Variants in DAB1 observed in about 807,000 individuals in gnomAD.
The protein encoded by DAB1 is DAB adaptor protein 1.
DAB1 carries 15 observed loss-of-function variants against 64.6 expected under a neutral mutation model. The observed-to-expected ratio is 0.23, with a 90% CI of 0.16 to 0.36. The LOEUF (loss-of-function observed/expected upper bound fraction) is 0.36. DAB1 is among the 10% of genes least tolerant of loss of function. The pLI is 1.00. For missense variants in DAB1, 596 were observed against 706.7 expected, an observed-to-expected ratio of 0.84 and a Z score of 1.78; for synonymous variants, 235 against 251.9, an observed-to-expected ratio of 0.93 and a Z score of 0.64.
intron 6 of DAB1, among the ~76,000 whole-genome samples, chr1:57,803,560 C>A (rs1348283073): frequency 6.6e-6 from 1 of 152,180 alleles, no homozygotes; most frequent in Non-Finnish European, 1.5e-5. Context: ...AATCTGGTGC[C>A]AGATCTAAGA....
intron 7 of DAB1, among the ~76,000 whole-genome samples, chr1:57,611,859 C>T (rs1019411561): frequency 2.6e-5 from 4 of 152,180 alleles, no homozygotes; most frequent in African/African-American, 9.7e-5. Context: ...TGCTATAAAT[C>T]CTCTAAGGTC....
chr1:58,355,430 G>A (rs912504), intron 3 of DAB1, among the ~76,000 whole-genome samples: 70,320 of 152,084 alleles, frequency 0.46, 16,738 homozygotes, highest in East Asian at 0.59. Flanking sequence ...AGCCATGGAA[G>A]AGTTTAATTT....
intron 2 of DAB1, among the ~76,000 whole-genome samples, chr1:57,243,909 C>T (rs1391314390): frequency 6.6e-6 from 1 of 152,086 alleles, no homozygotes. Context: ...CCAATTCATC[C>T]GTATCTCTTG....
chr1:58,330,012 G>A (rs958406711), intron 4 of DAB1, among the ~76,000 whole-genome samples: 3 of 152,114 alleles, frequency 2.0e-5, no homozygotes, highest in Non-Finnish European at 2.9e-5. Flanking sequence ...AGCTGGAAAT[G>A]ATTAAGATCA....
chr1:57,392,300 G>A (rs1224177520), intron 1 of DAB1, among the ~76,000 whole-genome samples: 1 of 152,166 alleles, frequency 6.6e-6, no homozygotes, highest in Non-Finnish European at 1.5e-5. Context: ...TTGAACCCAG[G>A]GGGCGGAGGT....
At chr1:58,108,326 T>C (rs1226964056) in intron 5 of DAB1, among the ~76,000 whole-genome samples, 2 of 152,120 alleles carry the variant, frequency 1.3e-5, no homozygotes, top group Non-Finnish European at 2.9e-5. Flanking sequence ...AATTGAGAGA[T>C]ACCACCCTTA....
chr1:57,719,376 G>C (rs1206393339), intron 6 of DAB1, among the ~76,000 whole-genome samples: 1 of 152,198 alleles, frequency 6.6e-6, no homozygotes, highest in African/African-American at 2.4e-5. Context: ...ATAAGCCAGA[G>C]GGAGGTGGGT....
At chr1:58,102,102 G>A (rs1230714290) in intron 5 of DAB1, among the ~76,000 whole-genome samples, 1 of 152,218 alleles carries the variant, frequency 6.6e-6, no homozygotes, top group African/African-American at 2.4e-5. Context: ...TCAGAGATGA[G>A]AATATTGGGG....
chr1:58,136,904 AC>A (rs1653979087), intron 5 of DAB1, among the ~76,000 whole-genome samples: 1 of 152,222 alleles, frequency 6.6e-6, no homozygotes, highest in African/African-American at 2.4e-5. Context: ...TCTAATTTTA[AC>A]GTCTGAGTTT....
intron 7 of DAB1, among the ~76,000 whole-genome samples, chr1:57,568,829 G>T (rs1332548152): frequency 3.3e-5 from 5 of 152,060 alleles, no homozygotes; most frequent in Admixed American, 6.5e-5. Flanking sequence ...CACTGTTGGT[G>T]GGACTGTAAA....
chr1:57,679,691 T>C (rs1570731342), intron 6 of DAB1, among the ~76,000 whole-genome samples: 1 of 152,180 alleles, frequency 6.6e-6, no homozygotes, highest in African/African-American at 2.4e-5. Flanking sequence ...TTCCAGGCCA[T>C]CATATATATA....
chr1:57,369,686 A>G (rs962564293), intron 1 of DAB1, among the ~76,000 whole-genome samples: 1 of 152,216 alleles, frequency 6.6e-6, no homozygotes, highest in Non-Finnish European at 1.5e-5. Context: ...CTCTGGATTC[A>G]GGCTTGAGAT....
At chr1:57,999,661 A>T (rs374438328) in intron 5 of DAB1, among the ~76,000 whole-genome samples, 5 of 152,270 alleles carry the variant, frequency 3.3e-5, no homozygotes, top group South Asian at 2.1e-4. Context: ...AAGGCCAGAG[A>T]TGCTACTAAG....
At chr1:58,479,221 A>T (rs906259539) in intron 3 of DAB1, among the ~76,000 whole-genome samples, 1 of 152,154 alleles carries the variant, frequency 6.6e-6, no homozygotes, top group African/African-American at 2.4e-5. Flanking sequence ...TTTACTGTTT[A>T]CCTTTAGGTG....
intron 5 of DAB1, among the ~76,000 whole-genome samples, chr1:58,103,128 G>A (rs12060606): frequency 0.029 from 4,439 of 152,222 alleles, 202 homozygotes; most frequent in African/African-American, 0.1. Flanking sequence ...TGCGGCACCC[G>A]ATACGTGGTA....
chr1:57,822,085 G>A (rs976823281), downstream of DAB1, among the ~76,000 whole-genome samples: 3 of 152,182 alleles, frequency 2.0e-5, no homozygotes, highest in African/African-American at 7.2e-5. Flanking sequence ...AACAGTAGGT[G>A]GAGTACGTAT....
intron 7 of DAB1, among the ~76,000 whole-genome samples, chr1:57,563,574 T>C (rs962474436): frequency 6.6e-6 from 1 of 151,994 alleles, no homozygotes; most frequent in Admixed American, 6.6e-5. Context: ...ACCTGGAAAA[T>C]TGGGTCACTC....
At chr1:57,130,850 T>C (rs935314571) in intron 4 of DAB1, among the ~76,000 whole-genome samples, 1 of 152,226 alleles carries the variant, frequency 6.6e-6, no homozygotes, top group Non-Finnish European at 1.5e-5. Flanking sequence ...TTCGGTATTA[T>C]GTATATGGGT....
chr1:57,954,131 A>G (rs1265158664), intron 5 of DAB1, among the ~76,000 whole-genome samples: 1 of 152,078 alleles, frequency 6.6e-6, no homozygotes, highest in African/African-American at 2.4e-5. Flanking sequence ...GTCCATCCTA[A>G]AAGTTCGGAT....
Sources: gnomAD v4.1 joint callset for allele counts (sites outside exome capture counted in the v4.1 genomes callset) on GRCh38, gnomAD v4.1.1 for gene constraint, MANE v1.5 for transcripts, NCBI Gene and HGNC (gene_info 2026-07-23, HGNC 2026-07-21) for gene names.